The following NOC3L variants were observed in gnomAD, a reference collection of about 807,000 sequenced individuals.
NOC3L encodes NOC3 like DNA replication regulator.
Under a neutral mutation model 102.5 loss-of-function variants are expected in NOC3L, and 85 were observed. The ratio of observed to expected loss-of-function variants is 0.83; its 90% CI spans 0.70 to 0.99. The LOEUF (loss-of-function observed/expected upper bound fraction) is 0.99, where lower values mean the gene tolerates loss of function less well. Ranked by LOEUF, NOC3L falls within the 50% of genes least tolerant of loss-of-function variation. NOC3L has a pLI of 0.00. For synonymous variants in NOC3L, 303 were observed against 309.4 expected, an observed-to-expected ratio of 0.98 and a Z score of 0.22; for missense variants, 878 against 914.9, an observed-to-expected ratio of 0.96 and a Z score of 0.52.
intron 4 of NOC3L, among the ~76,000 whole-genome samples, 196 bp downstream of exon 4, chr10:94,356,978 G>C (rs1443777625): frequency 6.6e-6 from 1 of 152,238 alleles, no homozygotes; most frequent in East Asian, 1.9e-4. Flanking sequence ...TGTAGCTTCA[G>C]TTGTCCTCAC....
intron 20 of NOC3L, 72 bp from the exon 21 acceptor site, chr10:94,334,377 T>G (rs2054193203): frequency 4.2e-6 from 4 of 958,494 alleles, no homozygotes; most frequent in Non-Finnish European, 6.4e-6. Context: ...TGAACCAAGT[T>G]GAAAATGGCA....
chr10:94,354,935 A>G (rs1051815088), intron 6 of NOC3L, 28 bp downstream of exon 6: 1 of 1,606,730 alleles, frequency 6.2e-7, no homozygotes, highest in East Asian at 2.2e-5. Flanking sequence ...CCTAATACAA[A>G]GAGCCTAAAG....
intron 14 of NOC3L, 35 bp downstream of exon 14, chr10:94,341,638 T>C: frequency 8.6e-7 from 1 of 1,158,902 alleles, no homozygotes; most frequent in South Asian, 1.8e-5. Context: ...TAATTACCAT[T>C]TATATCTTTT....
At chr10:94,314,990 A>T in the NOC3L span, 11 of 155,344 alleles carry the variant, frequency 7.1e-5, no homozygotes, top group Non-Finnish European at 1.6e-4. Flanking sequence ...TTGTAAAGGA[A>T]AACTTACCAA....
downstream of NOC3L, among the ~76,000 whole-genome samples, chr10:94,332,981 A>T (rs1054562366): frequency 2.0e-5 from 3 of 152,232 alleles, no homozygotes; most frequent in Non-Finnish European, 2.9e-5. Context: ...GCCTTAAAAA[A>T]TGTGACCTCA....
Position 94,356,551 on chromosome 10 carries a change from CTCT to C in NOC3L, c.546_548del (p.Glu183del), listed in dbSNP as rs372880871. 3.5e-5 allele frequency: 55 copies of C among 1,584,692 alleles called. No homozygotes were observed. Among genetic ancestry groups the C allele is most frequent in the Middle Eastern group, 1.7e-4 (1 of 6,012 alleles). On this transcript the variant is annotated inframe_deletion, in exon 5 of 21. Coordinates refer to ENST00000371361, the MANE Select transcript of NOC3L (RefSeq NM_022451.11). ...ACATATTACCTTCCTCAAGTTCCCTCTCTTCTTCTTGATCCTCTTCATCTTTGT... is the reference window on the plus strand; with the variant it reads ...ACATATTACCTTCCTCAAGTTCCCTCTCTTCTTGATCCTCTTCATCTTTGT...
intron 13 of NOC3L, among the ~76,000 whole-genome samples, chr10:94,342,797 C>A (rs1589568006): frequency 6.6e-6 from 1 of 150,984 alleles, no homozygotes; most frequent in South Asian, 2.1e-4. Context: ...TGAAAGATGG[C>A]AGGCAGGCCC....
intron 7 of NOC3L, among the ~76,000 whole-genome samples, chr10:94,352,634 C>A (rs2054433568): frequency 6.6e-6 from 1 of 152,054 alleles, no homozygotes; most frequent in African/African-American, 2.4e-5. Flanking sequence ...CCAGCCTGGC[C>A]AACGTGGGGA....
At chr10:94,346,362 A>G (rs1296680732) in intron 11 of NOC3L, 63 bp downstream of exon 11, 1 of 1,246,124 alleles carries the variant, frequency 8.0e-7, no homozygotes, top group African/African-American at 1.6e-5. Flanking sequence ...TGTGCCTATA[A>G]GTTTAATCTA....
intron 19 of NOC3L, among the ~76,000 whole-genome samples, chr10:94,335,525 A>G (rs569066547): frequency 1.3e-5 from 2 of 152,084 alleles, no homozygotes; most frequent in Admixed American, 6.6e-5. Context: ...ATTTTATTTA[A>G]TAAGGCCAAA....
intron 1 of NOC3L, 29 bp downstream of exon 1, chr10:94,362,801 G>T (rs528474160): frequency 5.0e-6 from 8 of 1,613,870 alleles, no homozygotes; most frequent in African/African-American, 4.0e-5. Flanking sequence ...GCCCTAGGCC[G>T]CGGCGACCGG....
At chr10:94,360,654 T>C (rs756466625) in intron 2 of NOC3L, among the ~76,000 whole-genome samples, 1 of 152,138 alleles carries the variant, frequency 6.6e-6, no homozygotes, top group Non-Finnish European at 1.5e-5. Flanking sequence ...AGGATGACTA[T>C]AGTCAACAAT....
At position 94,347,802 on chromosome 10, in the gene NOC3L, C is replaced by G. The variant is rs1002710388; in HGVS notation, c.1258-1246G>C. On this transcript the variant is annotated intron_variant, in intron 10 of 20. Coordinates refer to ENST00000371361, the MANE Select transcript of NOC3L (RefSeq NM_022451.11). The stretch of plus-strand genomic sequence containing the variant: ...ATGATATTCTTGAATAGAAAAAAAT[C>G]AATTCTGTAAATATTTTAATTCATC... 3.0e-4 allele frequency among the ~76,000 whole-genome samples: 46 copies of G among 151,928 alleles called. 1 individual carries two copies.
chr10:94,358,082 C>T lies in NOC3L; in HGVS notation c.350+1G>A. On this transcript the variant is annotated splice_donor_variant, in intron 3 of 20. Coordinates refer to ENST00000371361, the MANE Select transcript of NOC3L (RefSeq NM_022451.11). LOFTEE classifies it high-confidence loss of function. ...TGATTATAACCCAAATGAAGTATTA[C>T]CTAGAAGAAAGATCTCTTGTTAGAA... is the stretch of plus-strand genomic sequence containing the variant. The T allele has an allele frequency of 3.2e-6, 5 of 1,568,070 alleles. No individual in the cohort carries two copies. Among genetic ancestry groups the T allele is most frequent in the Non-Finnish European group, 4.4e-6 (5 of 1,139,002 alleles).
intron 8 of NOC3L, among the ~76,000 whole-genome samples, chr10:94,351,247 C>T (rs923795408): frequency 3.3e-5 from 5 of 151,834 alleles, no homozygotes; most frequent in African/African-American, 1.2e-4. Flanking sequence ...CCCCACCCCA[C>T]TATACTCCAC....
Position 94,352,311 on chromosome 10 carries a change from T to C in NOC3L, c.951A>G (p.Lys317=). The C allele has an allele frequency of 1.3e-6, 2 of 1,588,686 alleles. No homozygotes were observed. The highest frequency in any genetic ancestry group is 1.7e-6 in the Non-Finnish European group (2 of 1,157,838). The change falls in exon 8 of 21, where the codon AAA becomes AAG. Residue 317 remains lysine, a splice_region_variant and synonymous_variant. Coordinates refer to ENST00000371361, the MANE Select transcript of NOC3L (RefSeq NM_022451.11). Reference sequence around the variant, plus strand: ...ACTTTGAAGATATGTTTAATATACCTTTAACCATTTGTTCCAGATTTTCCA... The same window carrying C: ...ACTTTGAAGATATGTTTAATATACCCTTAACCATTTGTTCCAGATTTTCCA... ...FYLENLEQMV[K]DWKQRKLKKS...
intron 16 of NOC3L, 73 bp from the exon 17 acceptor site, chr10:94,339,993 T>A (rs2054263777): frequency 2.3e-6 from 3 of 1,328,076 alleles, no homozygotes; most frequent in African/African-American, 2.9e-5. Flanking sequence ...GAACTTCAGA[T>A]AAACCCAAGA....
At chr10:94,324,970 C>T in the NOC3L span, 1 of 1,614,096 alleles carries the variant, frequency 6.2e-7, no homozygotes, top group Admixed American at 1.7e-5. Context: ...TAAACAGCCC[C>T]GAGGACTTAC....
At chr10:94,341,201 TATCTTTAA>T (rs2054280351) in intron 14 of NOC3L, among the ~76,000 whole-genome samples, 2 of 151,714 alleles carry the variant, frequency 1.3e-5, no homozygotes, top group African/African-American at 2.4e-5. Context: ...CTATAAAGGT[TATCTTTAA>T]GATAACCTAG....
Sources: gnomAD v4.1 joint callset for allele counts (sites outside exome capture counted in the v4.1 genomes callset) on GRCh38, gnomAD v4.1.1 for gene constraint, MANE v1.5 for transcripts, NCBI Gene and HGNC (gene_info 2026-07-23, HGNC 2026-07-21) for gene names.